CFAP20DC: variants seen among roughly 807,000 people sequenced by gnomAD.
CFAP20DC encodes CFAP20 domain containing.
In CFAP20DC, 84 loss-of-function variants were observed where a neutral mutation model predicts 101.7. That is an observed-to-expected ratio of 0.83 (90% CI 0.69 to 0.99). The LOEUF (loss-of-function observed/expected upper bound fraction) is 0.99. Among genes scored for constraint, CFAP20DC ranks in the 50% least tolerant of loss-of-function variants. The pLI is 0.00. For missense variants in CFAP20DC, 1,007 were observed against 970.3 expected, an observed-to-expected ratio of 1.04 and a Z score of -0.50; for synonymous variants, 359 against 351.2, an observed-to-expected ratio of 1.02 and a Z score of -0.25.
In CFAP20DC at chr3:59,009,425, A is replaced by G. The variant is rs530210921; in HGVS notation, c.278+30132T>C. ...AAAAACCAACTTAAATTAAAAAAAC[A>G]TACAGGATATGAATGAAAAACTTTC... On this transcript the variant is annotated intron_variant, in intron 4 of 16. Transcript: ENST00000482387. 1.9e-4 allele frequency among the ~76,000 whole-genome samples: 29 copies of G among 152,316 alleles called. No homozygotes were observed. The South Asian group carries it at 6.0e-3, about 32-fold the overall frequency.
Position 58,971,156 on chromosome 3 carries a change from T to C in CFAP20DC, c.279-33394A>G, listed in dbSNP as rs2091924615. On this transcript the variant is annotated intron_variant, in intron 4 of 16. Coordinates refer to ENST00000482387, the MANE Select transcript of CFAP20DC (RefSeq NM_001394063.1). The surrounding 1 kb of genome is among the most constrained non-coding windows in gnomAD (Gnocchi z 4.1). ...TTGTTCCAGCTAATTGACTATTCTGTTGAGCCTAACAGTACCATCACAAAC... is the reference window on the plus strand; with the variant it reads ...TTGTTCCAGCTAATTGACTATTCTGCTGAGCCTAACAGTACCATCACAAAC... Among the ~76,000 whole-genome samples the C allele has an allele frequency of 6.6e-6, 1 of 152,172 alleles. No homozygotes were observed. Among genetic ancestry groups the C allele is most frequent in the Non-Finnish European group, 1.5e-5 (1 of 68,014 alleles).
chr3:58,737,092 AC>A (rs2107105587), downstream of CFAP20DC: 1 of 420,012 alleles, frequency 2.4e-6, no homozygotes, highest in Non-Finnish European at 4.7e-6. This position sits in a 1 kb window ranked among gnomAD's most constrained non-coding sequence, Gnocchi z 4.1. Flanking sequence ...TTAAAATATG[AC>A]AAAGAAAATA....
chr3:58,917,543 A>G (rs2084869259), intron 5 of CFAP20DC, among the ~76,000 whole-genome samples: 1 of 152,176 alleles, frequency 6.6e-6, no homozygotes, highest in Non-Finnish European at 1.5e-5. Flanking sequence ...ATCTCTTCCC[A>G]GAGTTTTAGA....
rs574930873 is a variant in CFAP20DC at position 58,878,807 on chromosome 3, C to G, written c.715+5738G>C. ...GGGGCGGATCACAAGGTCAGGAGAT[C>G]GAGACCATCCTGTGAATGGTGAAAC... On this transcript the variant is annotated intron_variant, in intron 7 of 16. Coordinates refer to ENST00000482387, the MANE Select transcript of CFAP20DC (RefSeq NM_001394063.1). Among the ~76,000 whole-genome samples the G allele has an allele frequency of 6.0e-4, 92 of 152,152 alleles. 1 individual carries two copies. Among genetic ancestry groups the G allele is most frequent in the African/African-American group, 2.2e-3 (91 of 41,516 alleles).
chr3:58,777,416 T>TGG (rs2071433738), intron 15 of CFAP20DC, among the ~76,000 whole-genome samples: 1 of 152,208 alleles, frequency 6.6e-6, no homozygotes, highest in South Asian at 2.1e-4. Context: ...CGTGCATCAT[T>TGG]AACTTTGGCA....
At chr3:58,820,228 G>C (rs2075528789) in intron 14 of CFAP20DC, among the ~76,000 whole-genome samples, 1 of 149,834 alleles carries the variant, frequency 6.7e-6, no homozygotes, top group Admixed American at 6.6e-5. Flanking sequence ...TTTGAAAACT[G>C]GCACAAGACA....
chr3:58,841,949 G>C (rs531657837), intron 13 of CFAP20DC, among the ~76,000 whole-genome samples: 2 of 152,302 alleles, frequency 1.3e-5, no homozygotes, highest in African/African-American at 4.8e-5. Context: ...CTTGAATACA[G>C]TTATACGTGC....
intron 4 of CFAP20DC, among the ~76,000 whole-genome samples, chr3:58,949,046 A>G (rs1376435130): frequency 6.6e-6 from 1 of 152,054 alleles, no homozygotes; most frequent in Non-Finnish European, 1.5e-5. Flanking sequence ...GAATTTATCC[A>G]TTTCTTCTAG....
chr3:58,945,269 G>T lies in CFAP20DC; in HGVS notation c.279-7507C>A, dbSNP rs12107712. On this transcript the variant is annotated intron_variant, in intron 4 of 16. Coordinates refer to ENST00000482387, the MANE Select transcript of CFAP20DC (RefSeq NM_001394063.1). ...AGTACATGCTTGCTTTCTTTTTGGGGCAGGTGATCCCTATAAACACATGCA... is the reference window on the plus strand; with the variant it reads ...AGTACATGCTTGCTTTCTTTTTGGGTCAGGTGATCCCTATAAACACATGCA... Among the ~76,000 whole-genome samples, 94 of 152,146 alleles carry T rather than the reference G, an allele frequency of 6.2e-4. 1 individual carries two copies. Among genetic ancestry groups the T allele is most frequent in the African/African-American group, 2.0e-3 (82 of 41,510 alleles).
At chr3:58,967,219 A>C (rs747846867) in intron 4 of CFAP20DC, among the ~76,000 whole-genome samples, 1 of 152,222 alleles carries the variant, frequency 6.6e-6, no homozygotes, top group Non-Finnish European at 1.5e-5. Flanking sequence ...AAATAAAACT[A>C]CAGATAATTG....
chr3:58,726,679 C>G lies in CFAP20DC; in HGVS notation c.198-9051G>C, dbSNP rs536785090. 2.5e-5 allele frequency: 5 copies of G among 203,722 alleles called. No homozygotes were observed. In the South Asian group the frequency reaches 2.9e-4, roughly 12 times the overall value. 12.6% of individuals were successfully genotyped at this position (203,722 alleles called of 1,614,324 possible). ...CACCATCAGAAGAGATGAGAAGGAC[C>G]CATCACTTGCACTCACACCATCAGA... is the stretch of plus-strand genomic sequence containing the variant. On this transcript the variant is annotated intron_variant, in intron 3 of 3. Coordinates refer to the CFAP20DC transcript ENST00000486145.
At chr3:58,933,646 A>G (rs1308199517) in intron 5 of CFAP20DC, among the ~76,000 whole-genome samples, 1 of 152,180 alleles carries the variant, frequency 6.6e-6, no homozygotes, top group Non-Finnish European at 1.5e-5. Flanking sequence ...CTACATGGAA[A>G]CTGAACAACC....
chr3:58,778,194 T>C (rs1260627888), intron 15 of CFAP20DC, among the ~76,000 whole-genome samples: 3 of 152,150 alleles, frequency 2.0e-5, no homozygotes, highest in Non-Finnish European at 4.4e-5. Context: ...CCTGCGCATT[T>C]TGCCAGTGGC....
chr3:58,839,272 G>A (rs2076944849), intron 13 of CFAP20DC, among the ~76,000 whole-genome samples: 1 of 152,160 alleles, frequency 6.6e-6, no homozygotes, highest in South Asian at 2.1e-4. Flanking sequence ...AGGTGCCCTG[G>A]CTTTTCTGTC....
At chr3:59,045,925 T>TC (rs1382059781) in intron 3 of CFAP20DC, among the ~76,000 whole-genome samples, 1 of 152,094 alleles carries the variant, frequency 6.6e-6, no homozygotes, top group East Asian at 1.9e-4. Flanking sequence ...TTTACAAAGC[T>TC]CCTGGCACAT....
rs145140782 is a variant in CFAP20DC, at chr3:58,893,719, T to C, written c.551-9010A>G. On this transcript the variant is annotated intron_variant, in intron 6 of 16. Transcript: ENST00000482387. ...GTTTTATTAGAAATGGTACCAGCTC[T>C]TTTTTTGTACCTCTGGCAGAATCCA... 1.6e-4 allele frequency among the ~76,000 whole-genome samples: 24 copies of C among 152,212 alleles called. No individual in the cohort carries two copies. In the East Asian group the frequency reaches 3.9e-3, roughly 24 times the overall value.
chr3:58,920,518 T>C (rs904968570), intron 5 of CFAP20DC, among the ~76,000 whole-genome samples: 1 of 152,226 alleles, frequency 6.6e-6, no homozygotes, highest in Admixed American at 6.5e-5. Context: ...TTTCCTTCTA[T>C]TCCTAGTTTA....
intron 5 of CFAP20DC, among the ~76,000 whole-genome samples, chr3:58,916,852 T>C (rs1576295716): frequency 6.6e-6 from 1 of 152,176 alleles, no homozygotes; most frequent in African/African-American, 2.4e-5. Flanking sequence ...TTCTGAAGTA[T>C]TGGAGAAGTG....
At chr3:58,737,319 C>T (rs2067779986), downstream of CFAP20DC, 1 of 443,260 alleles carries the variant, frequency 2.3e-6, no homozygotes, top group African/African-American at 2.0e-5. The surrounding 1 kb of genome is among the most constrained non-coding windows in gnomAD (Gnocchi z 4.1). Flanking sequence ...CACACACACA[C>T]ACAGACACAC....
Sources: gnomAD v4.1 joint callset for allele counts (sites outside exome capture counted in the v4.1 genomes callset) on GRCh38, gnomAD v4.1.1 for gene constraint, Gnocchi (gnomAD v3.1) non-coding constraint, MANE v1.5 for transcripts, NCBI Gene and HGNC (gene_info 2026-07-23, HGNC 2026-07-21) for gene names.